The following HS6ST3 variants were observed in gnomAD, a reference collection of about 807,000 sequenced individuals.
HS6ST3 encodes heparan-sulfate 6-O-sulfotransferase 3.
Under a neutral mutation model 36.7 loss-of-function variants are expected in HS6ST3, and 12 were observed. The observed-to-expected ratio is 0.33, with a 90% confidence interval of 0.21 to 0.53. HS6ST3 has a LOEUF of 0.53. Ranked by LOEUF, HS6ST3 falls within the 20% of genes least tolerant of loss-of-function variation. The pLI, the probability that HS6ST3 is intolerant of heterozygous loss-of-function variation, is 0.95. For missense variants in HS6ST3, 584 were observed against 640.9 expected, an observed-to-expected ratio of 0.91 and a Z score of 0.96; for synonymous variants, 240 against 257.5, an observed-to-expected ratio of 0.93 and a Z score of 0.65.
intron 1 of HS6ST3, among the ~76,000 whole-genome samples, chr13:96,147,284 G>A (rs1347787040): frequency 6.6e-6 from 1 of 151,974 alleles, no homozygotes; most frequent in African/African-American, 2.4e-5. Context: ...TATTTTTCAG[G>A]TTACCCCAAA....
At chr13:96,569,634 AC>A (rs1459635935) in intron 1 of HS6ST3, among the ~76,000 whole-genome samples, 1 of 152,148 alleles carries the variant, frequency 6.6e-6, no homozygotes, top group Non-Finnish European at 1.5e-5. Context: ...TTTTTTCATA[AC>A]ACCCACATTT....
chr13:96,489,701 T>C (rs1168414904), intron 1 of HS6ST3, among the ~76,000 whole-genome samples: 1 of 152,116 alleles, frequency 6.6e-6, no homozygotes, highest in Non-Finnish European at 1.5e-5. Flanking sequence ...GTTTCCTAAG[T>C]GCCAGGCACT....
chr13:96,612,610 G>A (rs1000245472), intron 1 of HS6ST3, among the ~76,000 whole-genome samples: 3 of 152,068 alleles, frequency 2.0e-5, no homozygotes, highest in East Asian at 1.9e-4. Flanking sequence ...TACTTCAAGG[G>A]TGATTTTTCT....
chr13:96,257,566 A>G (rs532261741), intron 1 of HS6ST3, among the ~76,000 whole-genome samples: 1 of 152,326 alleles, frequency 6.6e-6, no homozygotes, highest in South Asian at 2.1e-4. Context: ...CATTAATAAT[A>G]TAATAATAGT....
In HS6ST3 at chr13:96,725,916, A is replaced by C. The variant is rs182463188; in HGVS notation, c.708-106574A>C. 7.0e-4 allele frequency among the ~76,000 whole-genome samples: 106 copies of C among 152,160 alleles called. 1 individual carries two copies. In the East Asian group the frequency reaches 0.02, roughly 28 times the overall value. Reference sequence around the variant, plus strand: ...CAGTGGCGCGATCTCAGCTCACTGCAACCTGCACCTCCCAGGGTTCAAGTG... The same window carrying C: ...CAGTGGCGCGATCTCAGCTCACTGCCACCTGCACCTCCCAGGGTTCAAGTG... On this transcript the variant is annotated intron_variant, in intron 1 of 1. Coordinates refer to ENST00000376705, the MANE Select transcript of HS6ST3 (RefSeq NM_153456.4).
intron 1 of HS6ST3, among the ~76,000 whole-genome samples, chr13:96,317,046 A>C (rs2054973608): frequency 6.6e-6 from 1 of 151,960 alleles, no homozygotes. Flanking sequence ...CAGGTTTGTT[A>C]CATGGGTATA....
intron 1 of HS6ST3, among the ~76,000 whole-genome samples, chr13:96,248,731 T>C (rs1187494512): frequency 1.3e-5 from 2 of 152,162 alleles, no homozygotes; most frequent in Non-Finnish European, 1.5e-5. Context: ...ATATTAATTT[T>C]CCCAATTAAA....
At chr13:96,288,437 T>C (rs1199147766) in intron 1 of HS6ST3, among the ~76,000 whole-genome samples, 1 of 151,874 alleles carries the variant, frequency 6.6e-6, no homozygotes, top group African/African-American at 2.4e-5. Context: ...TGCTGTAATA[T>C]ATTAGAAAAA....
intron 1 of HS6ST3, among the ~76,000 whole-genome samples, chr13:96,772,159 A>G (rs944828604): frequency 3.3e-4 from 50 of 152,346 alleles, no homozygotes; most frequent in African/African-American, 1.1e-3. Flanking sequence ...AAAGTGATAC[A>G]TGCATAAAGA....
intron 1 of HS6ST3, among the ~76,000 whole-genome samples, chr13:96,492,933 T>C (rs572923334): frequency 2.0e-5 from 3 of 152,294 alleles, no homozygotes; most frequent in South Asian, 2.1e-4. Context: ...GACAAAATCA[T>C]GCTCTCTGCT....
intron 1 of HS6ST3, among the ~76,000 whole-genome samples, chr13:96,347,574 T>C (rs2055161746): frequency 6.6e-6 from 1 of 152,248 alleles, no homozygotes; most frequent in African/African-American, 2.4e-5. Flanking sequence ...AAATTCCTTC[T>C]TTATGACTCA....
intron 1 of HS6ST3, among the ~76,000 whole-genome samples, chr13:96,153,980 T>G (rs2054099165): frequency 6.6e-6 from 1 of 152,196 alleles, no homozygotes; most frequent in Admixed American, 6.5e-5. Context: ...CCCAGGTAGT[T>G]AGCCATTCCA....
chr13:96,367,196 A>C lies in HS6ST3; in HGVS notation c.707+275627A>C, dbSNP rs570360355. Among the ~76,000 whole-genome samples the C allele has an allele frequency of 6.2e-4, 95 of 152,374 alleles. No homozygotes were observed. The Middle Eastern group carries it at 0.014, about 22-fold the overall frequency. On this transcript the variant is annotated intron_variant, in intron 1 of 1. Transcript: ENST00000376705. ...GCCAAATAGATTAAAAGCCATATTT[A>C]ACATGGTTTTTGTAAACGGAAAGCT...
At chr13:96,457,901 G>GT (rs2055762027) in intron 1 of HS6ST3, among the ~76,000 whole-genome samples, 2 of 151,840 alleles carry the variant, frequency 1.3e-5, no homozygotes, top group Admixed American at 6.6e-5. Context: ...GTTTCATTGA[G>GT]TTTTTTTATT....
intron 1 of HS6ST3, among the ~76,000 whole-genome samples, chr13:96,566,486 C>T (rs904759939): frequency 2.0e-5 from 3 of 151,962 alleles, no homozygotes; most frequent in African/African-American, 7.2e-5. Flanking sequence ...ATATTTGACT[C>T]TAGTAGAAAC....
chr13:96,560,893 C>T (rs1000626421), intron 1 of HS6ST3, among the ~76,000 whole-genome samples: 10 of 152,050 alleles, frequency 6.6e-5, no homozygotes, highest in Admixed American at 3.3e-4. Flanking sequence ...ATAGATTACC[C>T]AAACAAATGA....
chr13:96,641,452 A>T (rs1359884242), intron 1 of HS6ST3, among the ~76,000 whole-genome samples: 1 of 151,874 alleles, frequency 6.6e-6, no homozygotes, highest in African/African-American at 2.4e-5. Context: ...GAATCATATC[A>T]TCCATGAAGA....
intron 1 of HS6ST3, among the ~76,000 whole-genome samples, chr13:96,252,506 T>C (rs2054612216): frequency 6.6e-6 from 1 of 152,216 alleles, no homozygotes; most frequent in Non-Finnish European, 1.5e-5. Context: ...GGTCTTGTGC[T>C]GAGAACCTCC....
At chr13:96,252,420 C>A (rs1040224195) in intron 1 of HS6ST3, among the ~76,000 whole-genome samples, 4 of 152,158 alleles carry the variant, frequency 2.6e-5, no homozygotes, top group Non-Finnish European at 5.9e-5. Context: ...TCTATGGATT[C>A]CCTCTCTCCA....
Sources: allele counts gnomAD v4.1 joint callset (sites outside exome capture counted in the v4.1 genomes callset), GRCh38; gene constraint gnomAD v4.1.1; transcripts MANE v1.5; gene names NCBI Gene and HGNC (gene_info 2026-07-23, HGNC 2026-07-21).